DEK: variants seen among roughly 807,000 people sequenced by gnomAD.
DEK encodes protein DEK.
Under a neutral mutation model 46.8 loss-of-function variants are expected in DEK, and 28 were observed. The observed-to-expected ratio is 0.60, with a 90% CI of 0.44 to 0.82. The LOEUF (loss-of-function observed/expected upper bound fraction) is 0.82, where lower values mean the gene tolerates loss of function less well. Among genes scored for constraint, DEK ranks in the 40% least tolerant of loss-of-function variants. The probability of loss-of-function intolerance (pLI) is 0.00; values close to 1 mark genes in which losing one functional copy is unlikely to be tolerated. For missense variants in DEK, 416 were observed against 430.6 expected (o/e 0.97, Z 0.30); for synonymous variants, 160 against 144.5 (o/e 1.11, Z -0.77).
chr6:18,249,228 G>A (rs1791256503), intron 7 of DEK, among the ~76,000 whole-genome samples: 1 of 152,102 alleles, frequency 6.6e-6, no homozygotes, highest in Admixed American at 6.5e-5. Flanking sequence ...AAAGGTTGAG[G>A]GGGGGAAAAA....
chr6:18,254,885 A>G (rs1791537787), intron 6 of DEK, among the ~76,000 whole-genome samples: 1 of 152,212 alleles, frequency 6.6e-6, no homozygotes, highest in African/African-American at 2.4e-5. Flanking sequence ...ACTGCTGTTT[A>G]TCTGTCCTCG....
intron 6 of DEK, among the ~76,000 whole-genome samples, chr6:18,252,700 G>A (rs1027444524): frequency 1.3e-5 from 2 of 152,002 alleles, no homozygotes; most frequent in South Asian, 4.1e-4. Context: ...CGGAGTCTCC[G>A]AGGTAGAAAC....
chr6:18,247,299 C>G (rs912035005), intron 7 of DEK, among the ~76,000 whole-genome samples: 3 of 152,170 alleles, frequency 2.0e-5, no homozygotes, highest in African/African-American at 7.2e-5. Context: ...AACAATTTCT[C>G]AGTCCAAATT....
At chr6:18,263,748 A>G (rs888228622) in intron 2 of DEK, 95 bp downstream of exon 2, 112 of 1,606,740 alleles carry the variant, frequency 7.0e-5, no homozygotes, top group Non-Finnish European at 8.9e-5. Flanking sequence ...TCACGCCTCT[A>G]AACACCAAAA....
chr6:18,263,593 A>T (rs1791969754), intron 2 of DEK, among the ~76,000 whole-genome samples: 1 of 152,228 alleles, frequency 6.6e-6, no homozygotes, highest in South Asian at 2.1e-4. Flanking sequence ...TTTAGAGCGG[A>T]CGAGAAGTCG....
chr6:18,246,594 T>C (rs1019356184), intron 7 of DEK, among the ~76,000 whole-genome samples: 5 of 152,220 alleles, frequency 3.3e-5, no homozygotes, highest in Non-Finnish European at 5.9e-5. Context: ...AGTGATTTCA[T>C]CTTAACACTG....
At chr6:18,233,084 A>G (rs1266282266) in intron 9 of DEK, among the ~76,000 whole-genome samples, 2 of 152,244 alleles carry the variant, frequency 1.3e-5, no homozygotes, top group Non-Finnish European at 1.5e-5. Flanking sequence ...AAACCTGACA[A>G]AAACAAGAAA....
chr6:18,255,605 A>G, intron 6 of DEK, 126 bp downstream of exon 6: 3 of 1,125,426 alleles, frequency 2.7e-6, no homozygotes, highest in Non-Finnish European at 3.7e-6. Context: ...ACGTCAACAG[A>G]AGGTATAGTC....
intron 2 of DEK, 40 bp from the exon 3 acceptor site, chr6:18,258,445 T>TA: frequency 2.0e-6 from 3 of 1,474,316 alleles, no homozygotes; most frequent in Non-Finnish European, 2.8e-6. Context: ...ACAAAAAGCT[T>TA]AAACATTGTA....
At chr6:18,258,427 C>T in intron 2 of DEK, 22 bp from the exon 3 acceptor site, 1 of 1,568,358 alleles carries the variant, frequency 6.4e-7, no homozygotes, top group Non-Finnish European at 8.7e-7. Flanking sequence ...TTTAGTATTT[C>T]TTAATTAACA....
chr6:18,258,300 T>A lies in DEK; in HGVS notation c.247+4A>T. On this transcript the variant is annotated splice_donor_region_variant and intron_variant, in intron 3 of 10. Transcript: ENST00000652689. ...AAAATGAAAGGAAGCTAGAATAAAC[T>A]TACCTTGTGCAATTGTAAATGGCTC... 1.2e-6 allele frequency: 2 copies of A among 1,602,584 alleles called. No individual in the cohort carries two copies. The highest frequency in any genetic ancestry group is 1.7e-6 in the Non-Finnish European group (2 of 1,176,186).
Position 18,225,554 on chromosome 6 carries a change from C to A in DEK, c.*165G>T. 1 of 644,194 alleles carries A rather than the reference C, an allele frequency of 1.6e-6. No homozygotes were observed. Among genetic ancestry groups the A allele is most frequent in the Non-Finnish European group, 2.5e-6 (1 of 403,138 alleles). The allele number at this position is 644,194 out of a possible 1,614,324, so 39.9% of individuals were successfully genotyped here. A position where few individuals can be genotyped will look rare whatever the true frequency, so the allele number is the denominator to read the frequency against. On this transcript the variant is annotated 3_prime_UTR_variant, in exon 11 of 11. Transcript: ENST00000652689. ...GGCATAGAAATGCAATTTAAAACAG[C>A]AAACTCAAATTCACATAACACTCAA...
Position 18,263,904 on chromosome 6 carries a change from G to A in DEK, c.84C>T (p.Pro28=). Residue 28 remains proline (P), a synonymous_variant, in exon 2 of 11, where the codon CCC becomes CCT. Transcript: ENST00000652689. ...ASEKEPEMPG[P]REESEEEEDE... The stretch of plus-strand genomic sequence containing the variant: ...CCTCTTCCTCCTCGCTCTCCTCTCT[G>A]GGACCGGGCATTTCGGGTTCTTTCT... 1 of 1,612,338 alleles carries A rather than the reference G, an allele frequency of 6.2e-7. No individual in the cohort carries two copies. Among genetic ancestry groups the A allele is most frequent in the Non-Finnish European group, 8.5e-7 (1 of 1,179,236 alleles).
Position 18,225,654 on chromosome 6 carries a change from T to A in DEK, c.*65A>T. 1 of 1,532,816 alleles carries A rather than the reference T, an allele frequency of 6.5e-7. No homozygotes were observed. The highest frequency in any genetic ancestry group is 1.2e-5 in the South Asian group (1 of 82,742). The allele number at this position is 1,532,816 out of a possible 1,614,324, so 95.0% of individuals were successfully genotyped here. Reference sequence around the variant, plus strand: ...AGAAAAGGAAATACATTCTCTTTGCTGGTATAATGGTATAAATCAGATCTT... The same window carrying A: ...AGAAAAGGAAATACATTCTCTTTGCAGGTATAATGGTATAAATCAGATCTT... On this transcript the variant is annotated 3_prime_UTR_variant, in exon 11 of 11. Transcript: ENST00000652689.
At chr6:18,257,417 G>C (rs900076442) in intron 4 of DEK, among the ~76,000 whole-genome samples, 1 of 152,158 alleles carries the variant, frequency 6.6e-6, no homozygotes. Flanking sequence ...TACTACAGGA[G>C]AAAGAGCCCT....
In DEK at chr6:18,226,197, A is replaced by G. The variant is rs1374010890; in HGVS notation, c.1093T>C (p.Phe365Leu). ...ACCTCTTTTACAGTTGTTTTTATGA[A>G]ATCTTTTCTTTCAGTTAAATCATAA... ...PTYDLTERKD[F>L]IKTTVKELIS The change falls in exon 10 of 11, where the codon TTC becomes CTC. Residue 365 changes from phenylalanine (F) to leucine (L), a missense_variant. Phe to Leu is a conservative substitution (Grantham distance 22, BLOSUM62 0). Transcript: ENST00000652689. 2 of 1,340,212 alleles carry G rather than the reference A, an allele frequency of 1.5e-6. No homozygotes were observed. The highest frequency in any genetic ancestry group is 3.4e-5 in the Admixed American group (1 of 29,192). 83.0% of individuals were successfully genotyped at this position (1,340,212 alleles called of 1,614,324 possible). A position where few individuals can be genotyped will look rare whatever the true frequency, so the allele number is the denominator to read the frequency against.
intron 6 of DEK, among the ~76,000 whole-genome samples, chr6:18,250,188 C>T (rs1213810143): frequency 1.3e-5 from 2 of 152,138 alleles, no homozygotes; most frequent in African/African-American, 2.4e-5. Flanking sequence ...TTATTTCATC[C>T]CTACAAGCAT....
chr6:18,249,553 A>C, intron 7 of DEK, 98 bp downstream of exon 7: 2 of 1,399,884 alleles, frequency 1.4e-6, no homozygotes, highest in Non-Finnish European at 1.9e-6. Flanking sequence ...AATTAAAAAC[A>C]ACCAATAAGG....
chr6:18,247,723 G>C (rs183875224), intron 7 of DEK, among the ~76,000 whole-genome samples: 2 of 151,928 alleles, frequency 1.3e-5, no homozygotes, highest in East Asian at 3.9e-4. Context: ...TCAGGCTGGA[G>C]AACAATGGTG....
Sources: gnomAD v4.1 joint callset for allele counts (sites outside exome capture counted in the v4.1 genomes callset) on GRCh38, gnomAD v4.1.1 for gene constraint, MANE v1.5 for transcripts, NCBI Gene and HGNC (gene_info 2026-07-23, HGNC 2026-07-21) for gene names.